The following TSPAN14 variants were observed in gnomAD, a reference collection of about 807,000 sequenced individuals.
TSPAN14 encodes the protein tetraspanin-14.
In TSPAN14, 16 loss-of-function variants were observed where a neutral mutation model predicts 36.6. That is an observed-to-expected ratio of 0.44 (90% confidence interval 0.30 to 0.66). TSPAN14 has a LOEUF of 0.66. TSPAN14 is among the 30% of genes least tolerant of loss of function. The probability of loss-of-function intolerance (pLI) is 0.12; values close to 1 mark genes in which losing one functional copy is unlikely to be tolerated. For missense variants in TSPAN14, 231 were observed against 355.1 expected, an observed-to-expected ratio of 0.65 and a Z score of 2.81; for synonymous variants, 139 against 143.8, an observed-to-expected ratio of 0.97 and a Z score of 0.24.
At chr10:80,468,547 C>T (rs1288819800) in intron 1 of TSPAN14, 1 of 152,074 alleles carries the variant, frequency 6.6e-6, no homozygotes, top group African/African-American at 2.4e-5. Flanking sequence ...TGTGTGTCAG[C>T]GTTACATCCT....
chr10:80,475,520 G>GA (rs928029654), intron 1 of TSPAN14, among the ~76,000 whole-genome samples: 10 of 152,086 alleles, frequency 6.6e-5, no homozygotes, highest in Admixed American at 6.5e-5. Flanking sequence ...TCTAAAAAGA[G>GA]AAAAAAAGTT....
At chr10:80,489,112 T>C in intron 1 of TSPAN14, 105 bp from the exon 2 acceptor site, 1 of 724,084 alleles carries the variant, frequency 1.4e-6, no homozygotes, top group East Asian at 2.8e-5. Context: ...TAAAGGGTCA[T>C]GAGGGAAATG....
intron 1 of TSPAN14, among the ~76,000 whole-genome samples, chr10:80,478,894 T>G (rs565666802): frequency 2.9e-4 from 44 of 152,282 alleles, no homozygotes; most frequent in Non-Finnish European, 5.9e-4. Flanking sequence ...TTGAACTAGT[T>G]TACAGTCCCA....
At chr10:80,512,001 TGGGA>T in intron 5 of TSPAN14, 139 bp from the exon 6 acceptor site, 1 of 1,301,300 alleles carries the variant, frequency 7.7e-7, no homozygotes, top group Non-Finnish European at 1.1e-6. Context: ...TCTCTGCACA[TGGGA>T]GGTAGGGGGC....
chr10:80,478,371 C>T (rs1847041252), intron 1 of TSPAN14, among the ~76,000 whole-genome samples: 1 of 152,144 alleles, frequency 6.6e-6, no homozygotes, highest in South Asian at 2.1e-4. Context: ...ATTAAAGCAT[C>T]AGCCAGGCTT....
intron 3 of TSPAN14, 87 bp from the exon 4 acceptor site, chr10:80,507,141 G>C: frequency 6.5e-7 from 1 of 1,535,524 alleles, no homozygotes; most frequent in Non-Finnish European, 8.9e-7. Flanking sequence ...GCAAGTCCCT[G>C]TTTTCAGTAC....
intron 1 of TSPAN14, among the ~76,000 whole-genome samples, chr10:80,486,702 G>A (rs1328327253): frequency 3.9e-5 from 6 of 152,306 alleles, no homozygotes; most frequent in Admixed American, 6.5e-5. Flanking sequence ...GAGGAAGAGA[G>A]GAGGCGGGAT....
At chr10:80,512,695 CTCTT>C (rs1309941050) in intron 6 of TSPAN14, among the ~76,000 whole-genome samples, 2 of 151,954 alleles carry the variant, frequency 1.3e-5, no homozygotes, top group Admixed American at 6.6e-5. Flanking sequence ...CTTTCTTTTT[CTCTT>C]TCTTTTATTT....
chr10:80,472,044 A>G (rs577031355), intron 1 of TSPAN14, among the ~76,000 whole-genome samples: 1 of 152,224 alleles, frequency 6.6e-6, no homozygotes, highest in East Asian at 1.9e-4. Flanking sequence ...GCACTGAGGT[A>G]GGAGGATCAC....
chr10:80,472,477 C>A (rs1846608155), intron 1 of TSPAN14, among the ~76,000 whole-genome samples: 1 of 152,062 alleles, frequency 6.6e-6, no homozygotes, highest in Non-Finnish European at 1.5e-5. Flanking sequence ...CTATTTTGTT[C>A]TTTGTAAGTG....
intron 2 of TSPAN14, among the ~76,000 whole-genome samples, chr10:80,498,959 G>A (rs79960798): frequency 0.017 from 2,647 of 152,258 alleles, 102 homozygotes; most frequent in East Asian, 0.12. Context: ...CTGAGTCAGC[G>A]TGTGGATTGT....
intron 1 of TSPAN14, among the ~76,000 whole-genome samples, chr10:80,467,211 T>C (rs1355595990): frequency 6.6e-6 from 1 of 152,190 alleles, no homozygotes; most frequent in Non-Finnish European, 1.5e-5. Flanking sequence ...AGGTATGTAA[T>C]GAGGCCTTTC....
rs976956529 is a variant in TSPAN14, at chr10:80,460,748, T to C, written c.-18+6377T>C. Among the ~76,000 whole-genome samples, 5 of 152,288 alleles carry C rather than the reference T, an allele frequency of 3.3e-5. 1 individual carries two copies. The highest frequency in any genetic ancestry group is 6.8e-3 in the Middle Eastern group (2 of 294). On this transcript the variant is annotated intron_variant, in intron 1 of 8. Coordinates refer to ENST00000429989, the Ensembl canonical transcript of TSPAN14. ...GGATTTCCCCTCTGCACCCAGGAAA[T>C]CGCATGGACCTGGGTCCTTGTTTCC...
At position 80,509,851 on chromosome 10, in the gene TSPAN14, C is replaced by G. The variant is rs1434220141; in HGVS notation, c.450+380C>G. The G allele has an allele frequency of 5.3e-6, 1 of 187,638 alleles. No individual in the cohort carries two copies. Among genetic ancestry groups the G allele is most frequent in the African/African-American group, 2.3e-5 (1 of 42,662 alleles). The allele number at this position is 187,638 out of a possible 1,614,324, so 11.6% of individuals were successfully genotyped here. A position where few individuals can be genotyped will look rare whatever the true frequency, so the allele number is the denominator to read the frequency against. On this transcript the variant is annotated intron_variant, in intron 5 of 8. Coordinates refer to ENST00000429989, the Ensembl canonical transcript of TSPAN14. This position sits in a 1 kb window ranked among gnomAD's most constrained non-coding sequence, Gnocchi z 4.7. ...AGCTTCTTCCCCCCGGCTCATGACT[C>G]ACCATCTGACGCTATTCCTATCCCC...
intron 6 of TSPAN14, among the ~76,000 whole-genome samples, chr10:80,513,240 C>T (rs1423350780): frequency 6.6e-6 from 1 of 152,126 alleles, no homozygotes; most frequent in Non-Finnish European, 1.5e-5. Context: ...CCAAGGCCAA[C>T]GTCCTTGGGT....
intron 5 of TSPAN14, among the ~76,000 whole-genome samples, chr10:80,510,254 T>A (rs531498472): frequency 3.3e-5 from 5 of 152,340 alleles, no homozygotes; most frequent in East Asian, 3.9e-4. Context: ...AGAAAATAAA[T>A]CAGAAACCAT....
chr10:80,501,056 C>A (rs1265539212), intron 2 of TSPAN14, among the ~76,000 whole-genome samples: 1 of 151,992 alleles, frequency 6.6e-6, no homozygotes, highest in Non-Finnish European at 1.5e-5. Context: ...TAAAACAGCA[C>A]CTCAGCGTGA....
intron 1 of TSPAN14, among the ~76,000 whole-genome samples, chr10:80,456,061 TAAC>T (rs1001409581): frequency 2.6e-5 from 4 of 152,148 alleles, no homozygotes; most frequent in African/African-American, 7.2e-5. Flanking sequence ...TCAGTTTAGT[TAAC>T]AAAGCATGGT....
chr10:80,500,795 A>G (rs935325446), intron 2 of TSPAN14, among the ~76,000 whole-genome samples: 1 of 152,228 alleles, frequency 6.6e-6, no homozygotes. Flanking sequence ...TCTGTGGGCC[A>G]TATGCAGAGC....
Sources: gnomAD v4.1 joint callset for allele counts (sites outside exome capture counted in the v4.1 genomes callset) on GRCh38, gnomAD v4.1.1 for gene constraint, Gnocchi (gnomAD v3.1) non-coding constraint, MANE v1.5 for transcripts, NCBI Gene and HGNC (gene_info 2026-07-23, HGNC 2026-07-21) for gene names.